EYS: variants seen among roughly 807,000 people sequenced by gnomAD.
The protein encoded by EYS is EGF-like photoreceptor maintenance factor.
EYS carries 250 observed loss-of-function variants against 282.1 expected under a neutral mutation model. The ratio of observed to expected loss-of-function variants is 0.89; its 90% CI spans 0.80 to 0.98. The LOEUF (loss-of-function observed/expected upper bound fraction) is 0.98. EYS is among the 50% of genes least tolerant of loss of function. The pLI, the probability that EYS is intolerant of heterozygous loss-of-function variation, is 0.00. For missense variants in EYS, 4,016 were observed against 3,709.0 expected (o/e 1.08, Z -2.15); for synonymous variants, 1,355 against 1,282.9 (o/e 1.06, Z -1.20).
chr6:65,409,851 G>T (rs1297828687), intron 5 of EYS, among the ~76,000 whole-genome samples: 1 of 151,990 alleles, frequency 6.6e-6, no homozygotes, highest in Non-Finnish European at 1.5e-5. Flanking sequence ...ATTTTGGATT[G>T]TGTCAGTTTG....
At chr6:64,339,899 G>T (rs1771028208) in intron 29 of EYS, among the ~76,000 whole-genome samples, 2 of 151,674 alleles carry the variant, frequency 1.3e-5, no homozygotes, top group South Asian at 4.1e-4. Flanking sequence ...GACCTGGCGA[G>T]AAGGGAAGGA....
Position 65,546,932 on chromosome 6 carries a change from G to C in EYS, c.-332-50939C>G, listed in dbSNP as rs182184752. ...TGGCTAGGAGCAGGCAGCATTTGCC[G>C]TTAAGTTTTCTACAACTCTACTACT... On this transcript the variant is annotated intron_variant, in intron 2 of 42. Coordinates refer to ENST00000503581, the MANE Select transcript of EYS (RefSeq NM_001142800.2). Among the ~76,000 whole-genome samples the C allele has an allele frequency of 2.6e-5, 4 of 151,966 alleles. No individual in the cohort carries two copies. The East Asian group carries it at 5.8e-4, about 22-fold the overall frequency.
At position 65,273,296 on chromosome 6, in the gene EYS, T is replaced by TA. The variant is rs543119240; in HGVS notation, c.2023+22566dup. Among the ~76,000 whole-genome samples the TA allele has an allele frequency of 5.7e-3, 862 of 152,322 alleles. 2 individuals are homozygous for TA. The highest frequency in any genetic ancestry group is 9.5e-3 in the Non-Finnish European group (647 of 68,028). ...AGATAAGTGGGGACTACTGGACTGTTAGTCTTTCCACCAGCATTCCACAAG... is the reference window on the plus strand; with the variant it reads ...AGATAAGTGGGGACTACTGGACTGTTAAGTCTTTCCACCAGCATTCCACAAG... On this transcript the variant is annotated intron_variant, in intron 12 of 42. Transcript: ENST00000503581.
chr6:65,446,990 C>T (rs1478444132), intron 5 of EYS, among the ~76,000 whole-genome samples: 4 of 151,652 alleles, frequency 2.6e-5, no homozygotes, highest in East Asian at 1.9e-4. Flanking sequence ...ACATAACAGA[C>T]ATCGTCTTAG....
At chr6:64,322,230 G>C (rs918859604) in intron 29 of EYS, among the ~76,000 whole-genome samples, 4 of 151,858 alleles carry the variant, frequency 2.6e-5, no homozygotes, top group African/African-American at 9.7e-5. Flanking sequence ...GCTCAGAAAA[G>C]GTGTGCTTTA....
At chr6:65,180,037 G>A (rs1338321672) in intron 12 of EYS, among the ~76,000 whole-genome samples, 12 of 152,044 alleles carry the variant, frequency 7.9e-5, no homozygotes, top group African/African-American at 7.2e-5. Flanking sequence ...AATAAACTAC[G>A]TATTGATGGG....
chr6:64,392,915 A>C (rs974254473), intron 28 of EYS, among the ~76,000 whole-genome samples: 7 of 152,178 alleles, frequency 4.6e-5, no homozygotes, highest in African/African-American at 1.7e-4. Context: ...AGAAGAATCA[A>C]ATAGACGCAA....
intron 19 of EYS, among the ~76,000 whole-genome samples, chr6:64,869,190 A>G (rs1272000232): frequency 6.6e-6 from 1 of 151,588 alleles, no homozygotes; most frequent in Non-Finnish European, 1.5e-5. Flanking sequence ...TGAGCTTAAC[A>G]GAAATAACTA....
intron 19 of EYS, among the ~76,000 whole-genome samples, chr6:64,824,692 G>C (rs1764998033): frequency 6.6e-6 from 1 of 151,804 alleles, no homozygotes; most frequent in South Asian, 2.1e-4. Context: ...TGTTAAAAGA[G>C]TTTGGGACAG....
chr6:65,088,045 G>A (rs376644262), intron 12 of EYS, among the ~76,000 whole-genome samples: 9 of 152,264 alleles, frequency 5.9e-5, no homozygotes, highest in East Asian at 3.9e-4. Flanking sequence ...TGAAGAAGGC[G>A]TCTGCTTCTC....
chr6:64,102,675 C>A (rs928829012), intron 31 of EYS, among the ~76,000 whole-genome samples: 1 of 152,000 alleles, frequency 6.6e-6, no homozygotes, highest in Non-Finnish European at 1.5e-5. Flanking sequence ...AAAGAAAAAT[C>A]TAAACTTTTA....
chr6:64,523,947 T>G (rs939326242), intron 26 of EYS, among the ~76,000 whole-genome samples: 3 of 151,786 alleles, frequency 2.0e-5, no homozygotes, highest in Admixed American at 1.3e-4. Context: ...GAATAATTGT[T>G]TGGTTATTTC....
chr6:64,060,496 T>G (rs1389612878), intron 33 of EYS, among the ~76,000 whole-genome samples: 2 of 152,130 alleles, frequency 1.3e-5, no homozygotes, highest in African/African-American at 4.8e-5. Context: ...TTCTATAAAT[T>G]ACTTACTAAT....
intron 22 of EYS, among the ~76,000 whole-genome samples, chr6:64,739,839 A>C (rs1772309005): frequency 6.6e-6 from 1 of 152,140 alleles, no homozygotes; most frequent in African/African-American, 2.4e-5. Context: ...TCCTTCATCC[A>C]TTTTGTAGGG....
chr6:65,467,857 C>A (rs570138353), intron 5 of EYS, among the ~76,000 whole-genome samples: 1 of 151,558 alleles, frequency 6.6e-6, no homozygotes, highest in Non-Finnish European at 1.5e-5. Context: ...TTGATTATAG[C>A]TTTTCTTTTG....
chr6:65,397,775 T>C (rs760713363), intron 7 of EYS, among the ~76,000 whole-genome samples: 6 of 152,098 alleles, frequency 3.9e-5, no homozygotes, highest in Non-Finnish European at 8.8e-5. Flanking sequence ...AGATATCCAG[T>C]AGTAGCATTG....
At chr6:63,963,002 T>C (rs1454401018) in intron 35 of EYS, among the ~76,000 whole-genome samples, 1 of 151,562 alleles carries the variant, frequency 6.6e-6, no homozygotes, top group Non-Finnish European at 1.5e-5. Flanking sequence ...AGCAAACTAT[T>C]GCAAGTGCAA....
intron 22 of EYS, among the ~76,000 whole-genome samples, chr6:64,636,543 G>A (rs568040545): frequency 1.3e-5 from 2 of 152,134 alleles, no homozygotes; most frequent in Admixed American, 6.5e-5. Context: ...AGGACTTCAT[G>A]TCTAAAACAC....
intron 2 of EYS, among the ~76,000 whole-genome samples, chr6:65,583,868 T>C (rs1764949938): frequency 6.6e-6 from 1 of 152,026 alleles, no homozygotes; most frequent in Non-Finnish European, 1.5e-5. Context: ...TGACAGAATG[T>C]TAATATGTTC....
Sources: allele counts gnomAD v4.1 joint callset (sites outside exome capture counted in the v4.1 genomes callset), GRCh38; gene constraint gnomAD v4.1.1; transcripts MANE v1.5; gene names NCBI Gene and HGNC (gene_info 2026-07-23, HGNC 2026-07-21).